MTOR: variants seen among roughly 807,000 people sequenced by gnomAD.
MTOR encodes the protein mechanistic target of rapamycin kinase.
In MTOR, 70 loss-of-function variants were observed where a neutral mutation model predicts 319.8. That is an observed-to-expected ratio of 0.22 (90% CI 0.18 to 0.27). The LOEUF (loss-of-function observed/expected upper bound fraction) is 0.27, where lower values mean the gene tolerates loss of function less well. Ranked by LOEUF, MTOR falls within the 10% of genes least tolerant of loss-of-function variation. MTOR has a pLI of 1.00. For missense variants in MTOR, 1,890 were observed against 3,274.4 expected (o/e 0.58, Z 10.32); for synonymous variants, 1,183 against 1,211.4 (o/e 0.98, Z 0.49).
At chr1:11,194,780 T>G in intron 28 of MTOR, 1 of 1,598,750 alleles carries the variant, frequency 6.3e-7, no homozygotes, top group Admixed American at 1.7e-5. Flanking sequence ...TTTCTGACCC[T>G]GGCTCTAACT....
intron 28 of MTOR, among the ~76,000 whole-genome samples, chr1:11,196,320 A>G (rs571648768): frequency 6.6e-6 from 1 of 152,346 alleles, no homozygotes; most frequent in Admixed American, 6.5e-5. Context: ...GCGCTTTCTA[A>G]CAAATAACCA....
intron 28 of MTOR, among the ~76,000 whole-genome samples, chr1:11,191,625 G>A (rs1010754659): frequency 2.6e-5 from 4 of 152,098 alleles, no homozygotes; most frequent in Non-Finnish European, 5.9e-5. Flanking sequence ...CAGCTCCATG[G>A]CCCTAGAGTA....
intron 53 of MTOR, among the ~76,000 whole-genome samples, chr1:11,113,434 C>G (rs1641996173): frequency 6.6e-6 from 1 of 152,088 alleles, no homozygotes; most frequent in African/African-American, 2.4e-5. Context: ...CAGAGTTACT[C>G]TGTGCAAATG....
At chr1:11,233,369 C>T (rs374413907) in intron 15 of MTOR, 29 bp downstream of exon 15, 77 of 1,594,518 alleles carry the variant, frequency 4.8e-5, no homozygotes, top group African/African-American at 2.0e-4. Flanking sequence ...ACCCTATCTC[C>T]GCTATGGAAA....
At position 11,166,507 on chromosome 1, in the gene MTOR, T is replaced by A. The variant is rs979821520; in HGVS notation, c.4329+935A>T. Among the ~76,000 whole-genome samples, 12 of 152,116 alleles carry A rather than the reference T, an allele frequency of 7.9e-5. No individual in the cohort carries two copies. In the East Asian group the frequency reaches 2.3e-3, roughly 29 times the overall value. Reference sequence around the variant, plus strand: ...AGACACATGAAAAAATGCTCATCACTGGCCATCAGAGAAATGCAAATCAAA... The same window carrying A: ...AGACACATGAAAAAATGCTCATCACAGGCCATCAGAGAAATGCAAATCAAA... On this transcript the variant is annotated intron_variant, in intron 29 of 57. Coordinates refer to ENST00000361445, the MANE Select transcript of MTOR (RefSeq NM_004958.4).
Position 11,106,996 on chromosome 1 carries a change from T to G in MTOR, c.*489A>C, listed in dbSNP as rs1050037354. The G allele has an allele frequency of 5.1e-6, 7 of 1,370,700 alleles. No homozygotes were observed. The African/African-American group carries it at 8.6e-5, about 17-fold the overall frequency. 84.9% of individuals were successfully genotyped at this position (1,370,700 alleles called of 1,614,324 possible). On this transcript the variant is annotated 3_prime_UTR_variant, in exon 58 of 58. Coordinates refer to ENST00000361445, the MANE Select transcript of MTOR (RefSeq NM_004958.4). Reference sequence around the variant, plus strand: ...TGCTGTCCACAGACCAGTGAGGTCTTGGGATAGGTGGCAGGGGTGAGGTCA... The same window carrying G: ...TGCTGTCCACAGACCAGTGAGGTCTGGGGATAGGTGGCAGGGGTGAGGTCA...
rs535887202 is a variant in MTOR, at chr1:11,226,352, C to T, written c.3030+2316G>A. The T allele has an allele frequency of 1.3e-5, 2 of 151,848 alleles. 1 individual carries two copies. Among genetic ancestry groups the T allele is most frequent in the African/African-American group, 4.8e-5 (2 of 41,400 alleles). The allele number at this position is 151,848 out of a possible 1,614,324, so 9.4% of individuals were successfully genotyped here. A position where few individuals can be genotyped will look rare whatever the true frequency, so the allele number is the denominator to read the frequency against. ...TAACAGGCAAATTTGTGAAGCATTC[C>T]GTATTTTTTTAAAAATAAAAATAAA... On this transcript the variant is annotated intron_variant, in intron 19 of 57. Coordinates refer to ENST00000361445, the MANE Select transcript of MTOR (RefSeq NM_004958.4).
intron 18 of MTOR, among the ~76,000 whole-genome samples, chr1:11,230,451 C>T (rs1318860101): frequency 6.6e-6 from 1 of 152,116 alleles, no homozygotes; most frequent in Non-Finnish European, 1.5e-5. Context: ...TGGGCCAGAC[C>T]ATTTCACGGA....
intron 47 of MTOR, among the ~76,000 whole-genome samples, chr1:11,123,441 G>C (rs1642649086): frequency 6.8e-6 from 1 of 147,092 alleles, no homozygotes; most frequent in South Asian, 2.2e-4. Context: ...TAGAGACAGG[G>C]ATTACAGGCG....
At chr1:11,252,245 GT>G (rs905987536) in intron 6 of MTOR, among the ~76,000 whole-genome samples, 19 of 151,580 alleles carry the variant, frequency 1.3e-4, no homozygotes, top group Non-Finnish European at 7.4e-5. Context: ...TTAAAAATTT[GT>G]ATTATCTTTA....
chr1:11,216,115 A>G (rs1471749883), intron 20 of MTOR, 33 bp downstream of exon 20: 1 of 1,538,246 alleles, frequency 6.5e-7, no homozygotes, highest in Non-Finnish European at 9.0e-7. Context: ...TGACCCAAAC[A>G]TGGAAGAGGC....
intron 28 of MTOR, among the ~76,000 whole-genome samples, chr1:11,186,754 T>C (rs1216588656): frequency 1.3e-5 from 2 of 152,220 alleles, no homozygotes; most frequent in Non-Finnish European, 2.9e-5. Flanking sequence ...CATTTAGATA[T>C]TCAGAATCTA....
chr1:11,138,213 C>T (rs1447403958), intron 36 of MTOR, among the ~76,000 whole-genome samples: 1 of 152,232 alleles, frequency 6.6e-6, no homozygotes, highest in Non-Finnish European at 1.5e-5. Flanking sequence ...TACTCAGATC[C>T]AGCACCTTCT....
intron 13 of MTOR, among the ~76,000 whole-genome samples, chr1:11,236,576 C>T (rs1012352713): frequency 6.6e-6 from 1 of 150,446 alleles, no homozygotes; most frequent in Non-Finnish European, 1.5e-5. Flanking sequence ...GGCGCGCTCT[C>T]GGCTCACTGC....
At chr1:11,134,199 T>C in intron 37 of MTOR, 152 bp downstream of exon 37, 3 of 655,946 alleles carry the variant, frequency 4.6e-6, no homozygotes. Context: ...GAGAGCAGTA[T>C]GCTTTGGTGG....
At chr1:11,148,199 G>T (rs1049312718) in intron 31 of MTOR, among the ~76,000 whole-genome samples, 2 of 152,024 alleles carry the variant, frequency 1.3e-5, no homozygotes, top group African/African-American at 4.8e-5. Flanking sequence ...TTAAAATGGA[G>T]GCACAGGCTG....
chr1:11,180,901 C>T lies in MTOR; in HGVS notation c.4254-13384G>A, dbSNP rs35697937. On this transcript the variant is annotated intron_variant, in intron 28 of 57. Transcript: ENST00000361445. ...AAGCAATTCTCTGGCCTCAGCCTCC[C>T]AAGTAGCTGGGACTACAGGAGTGTG... is the stretch of plus-strand genomic sequence containing the variant. Among the ~76,000 whole-genome samples the T allele has an allele frequency of 5.1e-3, 775 of 152,116 alleles. 3 individuals carry two copies. The highest frequency in any genetic ancestry group is 8.9e-3 in the Non-Finnish European group (607 of 67,966).
chr1:11,185,754 T>C (rs150378184), intron 28 of MTOR, among the ~76,000 whole-genome samples: 162 of 152,258 alleles, frequency 1.1e-3, no homozygotes, highest in Non-Finnish European at 1.2e-3. Context: ...ACTTGGACTT[T>C]CAGTTGAGAC....
At chr1:11,180,619 T>G (rs1645116352) in intron 28 of MTOR, among the ~76,000 whole-genome samples, 1 of 152,166 alleles carries the variant, frequency 6.6e-6, no homozygotes, top group Non-Finnish European at 1.5e-5. Context: ...GGTGGACATG[T>G]GATCTTGTCC....
Sources: allele counts gnomAD v4.1 joint callset (sites outside exome capture counted in the v4.1 genomes callset), GRCh38; gene constraint gnomAD v4.1.1; transcripts MANE v1.5; gene names NCBI Gene and HGNC (gene_info 2026-07-23, HGNC 2026-07-21).